IPO11: variants seen among roughly 807,000 people sequenced by gnomAD.
IPO11 encodes importin-11.
Under a neutral mutation model 143.2 loss-of-function variants are expected in IPO11, and 66 were observed. That is an observed-to-expected ratio of 0.46 (90% CI 0.38 to 0.57). The LOEUF (loss-of-function observed/expected upper bound fraction) is 0.57. Among genes scored for constraint, IPO11 ranks in the 20% least tolerant of loss-of-function variants. The pLI, the probability that IPO11 is intolerant of heterozygous loss-of-function variation, is 0.00. For synonymous variants in IPO11, 385 were observed against 377.8 expected (o/e 1.02, Z -0.22); for missense variants, 1,026 against 1,141.0 (o/e 0.90, Z 1.45).
chr5:62,560,306 G>A (rs993837997), intron 26 of IPO11, among the ~76,000 whole-genome samples: 6 of 152,074 alleles, frequency 3.9e-5, no homozygotes, highest in Non-Finnish European at 8.8e-5. Flanking sequence ...CATAATTTTC[G>A]GGGCTGGTAA....
intron 3 of IPO11, among the ~76,000 whole-genome samples, chr5:62,443,436 C>T (rs2361477): frequency 1.1e-4 from 16 of 141,984 alleles, no homozygotes; most frequent in Non-Finnish European, 1.4e-4. Context: ...TGTGCGTGTG[C>T]GTGTGATGTT....
intron 24 of IPO11, among the ~76,000 whole-genome samples, chr5:62,546,459 G>A (rs1204608085): frequency 6.6e-6 from 1 of 152,158 alleles, no homozygotes; most frequent in Admixed American, 6.6e-5. Context: ...AGGGTTGGGG[G>A]AGTGGGGAGG....
chr5:62,594,021 A>C (rs1258331475), intron 28 of IPO11, among the ~76,000 whole-genome samples: 1 of 152,308 alleles, frequency 6.6e-6, no homozygotes, highest in Admixed American at 6.5e-5. Flanking sequence ...CTTCCTGTTT[A>C]TTTAAACAGT....
At chr5:62,570,797 G>A (rs1554055934) in intron 27 of IPO11, among the ~76,000 whole-genome samples, 1 of 152,190 alleles carries the variant, frequency 6.6e-6, no homozygotes, top group Non-Finnish European at 1.5e-5. Context: ...GACACTGAGT[G>A]CGCTTAGCTA....
At chr5:62,583,279 T>G (rs1331431796) in intron 27 of IPO11, among the ~76,000 whole-genome samples, 1 of 152,144 alleles carries the variant, frequency 6.6e-6, no homozygotes, top group Non-Finnish European at 1.5e-5. Flanking sequence ...ATACATAAGG[T>G]AGGCTGAAAA....
intron 1 of IPO11, among the ~76,000 whole-genome samples, chr5:62,433,930 T>TGAGTTCTG (rs766749534): frequency 1.3e-4 from 20 of 152,288 alleles, no homozygotes; most frequent in South Asian, 8.3e-4. Context: ...GGGATGAGGA[T>TGAGTTCTG]GAGTTCTGGT....
chr5:62,504,905 A>G lies in IPO11; in HGVS notation c.1665+7A>G. The G allele has an allele frequency of 6.6e-7, 1 of 1,511,172 alleles. No homozygotes were observed. Among genetic ancestry groups the G allele is most frequent in the Non-Finnish European group, 9.0e-7 (1 of 1,111,440 alleles). 93.6% of individuals were successfully genotyped at this position (1,511,172 alleles called of 1,614,324 possible). A position where few individuals can be genotyped will look rare whatever the true frequency, so the allele number is the denominator to read the frequency against. On this transcript the variant is annotated splice_region_variant and intron_variant, in intron 18 of 29. Coordinates refer to ENST00000325324, the MANE Select transcript of IPO11 (RefSeq NM_016338.5). ...AACAGATCAGTTTCTACCGGTAAGAATATACATTTCCAGGTATTTTTTTTA... is the reference window on the plus strand; with the variant it reads ...AACAGATCAGTTTCTACCGGTAAGAGTATACATTTCCAGGTATTTTTTTTA...
intron 13 of IPO11, among the ~76,000 whole-genome samples, chr5:62,489,100 A>G (rs1346065452): frequency 1.3e-5 from 2 of 152,226 alleles, no homozygotes; most frequent in African/African-American, 4.8e-5. Flanking sequence ...CAAATATGCT[A>G]TAATGGTTTT....
At chr5:62,513,992 T>C (rs375652208) in intron 19 of IPO11, among the ~76,000 whole-genome samples, 1,798 of 126,972 alleles carry the variant, frequency 0.014, no homozygotes, top group East Asian at 0.086. Context: ...TCTCAGACGA[T>C]GGGCTGCCGG....
chr5:62,483,879 A>G, intron 10 of IPO11, 131 bp from the exon 11 acceptor site: 2 of 748,480 alleles, frequency 2.7e-6, no homozygotes, highest in Non-Finnish European at 4.2e-6. Flanking sequence ...TTTGTTTATA[A>G]TAAAAATGAA....
chr5:62,601,719 A>G (rs1465737953), intron 28 of IPO11, 45 bp from the exon 29 acceptor site: 10 of 1,039,836 alleles, frequency 9.6e-6, no homozygotes, highest in Middle Eastern at 2.4e-4. Flanking sequence ...TAAGTGTATT[A>G]TAGACATTTT....
intron 29 of IPO11, among the ~76,000 whole-genome samples, chr5:62,619,886 A>T (rs1408161113): frequency 6.6e-6 from 1 of 152,094 alleles, no homozygotes; most frequent in East Asian, 1.9e-4. Flanking sequence ...GCACAAACAT[A>T]CCACTGGATA....
At position 62,467,250 on chromosome 5, in the gene IPO11, G is replaced by A. The variant is rs1745602973; in HGVS notation, c.636G>A (p.Leu212=). The change falls in exon 6 of 30, where the codon CTG becomes CTA. Residue 212 remains leucine, a synonymous_variant. Transcript: ENST00000325324. ...AAILSSLERT[L]LSLKVLRKLT... ...TTTTGAGTTCACTAGAACGAACACT[G>A]CTATCATTGAAAGGTACTATTAAGC... is the stretch of plus-strand genomic sequence containing the variant. 1.9e-6 allele frequency: 3 copies of A among 1,613,014 alleles called. No homozygotes were observed. The highest frequency in any genetic ancestry group is 1.7e-5 in the Admixed American group (1 of 59,736).
intron 24 of IPO11, among the ~76,000 whole-genome samples, chr5:62,548,829 C>A (rs2112345417): frequency 6.6e-6 from 1 of 152,220 alleles, no homozygotes; most frequent in South Asian, 2.1e-4. Flanking sequence ...TCTTGAATTT[C>A]TTTCTTGCTT....
At chr5:62,589,974 A>G (rs1400573592) in intron 27 of IPO11, among the ~76,000 whole-genome samples, 1 of 152,180 alleles carries the variant, frequency 6.6e-6, no homozygotes, top group African/African-American at 2.4e-5. Context: ...CTCTGAAAGC[A>G]GTTTCTCAGC....
intron 27 of IPO11, among the ~76,000 whole-genome samples, chr5:62,566,240 C>G (rs1449926824): frequency 2.6e-5 from 4 of 152,150 alleles, no homozygotes. Flanking sequence ...TTTACATTCT[C>G]ACCAACAGTG....
At position 62,625,812 on chromosome 5, in the gene IPO11, A is replaced by T. The variant is rs183729819; in HGVS notation, c.2764-1342A>T. On this transcript the variant is annotated intron_variant, in intron 29 of 29. Transcript: ENST00000325324. ...ACACTTATATAAGCTAATACATAAGATGAGATGTCAGTTGTAGAGTGGTTT... is the reference window on the plus strand; with the variant it reads ...ACACTTATATAAGCTAATACATAAGTTGAGATGTCAGTTGTAGAGTGGTTT... Among the ~76,000 whole-genome samples, 852 of 152,338 alleles carry T rather than the reference A, an allele frequency of 5.6e-3. 3 individuals are homozygous for T. The highest frequency in any genetic ancestry group is 9.1e-3 in the Non-Finnish European group (622 of 68,028).
chr5:62,508,133 T>G (rs1038817986), intron 19 of IPO11, among the ~76,000 whole-genome samples: 1 of 152,002 alleles, frequency 6.6e-6, no homozygotes, highest in Non-Finnish European at 1.5e-5. Context: ...GTTAACAAAT[T>G]TTATCTTTTT....
intron 1 of IPO11, among the ~76,000 whole-genome samples, chr5:62,435,114 A>ATATATGTATATATGTGTATATG (rs1561308819): frequency 9.8e-6 from 1 of 102,310 alleles, no homozygotes; most frequent in African/African-American, 4.5e-5. Flanking sequence ...ATATATGTAT[A>ATATATGTATATATGTGTATATG]TATGTATATA....
Sources: gnomAD v4.1 joint callset for allele counts (sites outside exome capture counted in the v4.1 genomes callset) on GRCh38, gnomAD v4.1.1 for gene constraint, MANE v1.5 for transcripts, NCBI Gene and HGNC (gene_info 2026-07-23, HGNC 2026-07-21) for gene names.